Variants in ZNF566 observed in about 807,000 individuals in gnomAD.
ZNF566 encodes zinc finger protein 566.
Under a neutral mutation model 32.8 loss-of-function variants are expected in ZNF566, and 27 were observed. The observed-to-expected ratio is 0.82, with a 90% confidence interval of 0.61 to 1.14. ZNF566 has a LOEUF of 1.14. Ranked by LOEUF, ZNF566 falls within the 50% of genes most tolerant of loss-of-function variation. The pLI is 0.00. For missense variants in ZNF566, 402 were observed against 490.4 expected (o/e 0.82, Z 1.70); for synonymous variants, 154 against 159.5 (o/e 0.97, Z 0.26).
At chr19:36,486,358 T>C (rs897617748) in intron 1 of ZNF566, among the ~76,000 whole-genome samples, 1 of 152,196 alleles carries the variant, frequency 6.6e-6, no homozygotes, top group African/African-American at 2.4e-5. Flanking sequence ...AAATTCCTTA[T>C]ACTATGTTCA....
chr19:36,486,788 G>C (rs2034173551), intron 1 of ZNF566, among the ~76,000 whole-genome samples: 1 of 151,664 alleles, frequency 6.6e-6, no homozygotes, highest in Non-Finnish European at 1.5e-5. Context: ...ATACAAAAAG[G>C]TGCTGAACAT....
In ZNF566 at chr19:36,463,789, G is replaced by A. The variant is rs554712903; in HGVS notation, c.232+9122C>T. Among the ~76,000 whole-genome samples the A allele has an allele frequency of 7.9e-5, 12 of 151,230 alleles. No individual in the cohort carries two copies. In the East Asian group the frequency reaches 2.1e-3, roughly 27 times the overall value. Reference sequence around the variant, plus strand: ...CACCCAGGCTGGAGTGCAGTGGCACGATCTCGGTTCACTGCAACCTCCACC... The same window carrying A: ...CACCCAGGCTGGAGTGCAGTGGCACAATCTCGGTTCACTGCAACCTCCACC... On this transcript the variant is annotated intron_variant, in intron 4 of 4. Coordinates refer to ENST00000452939, the MANE Select transcript of ZNF566 (RefSeq NM_001145344.1).
At chr19:36,452,204 A>C (rs149410981) in intron 4 of ZNF566, among the ~76,000 whole-genome samples, 6 of 152,080 alleles carry the variant, frequency 3.9e-5, no homozygotes, top group Admixed American at 3.9e-4. Flanking sequence ...AATACAAATA[A>C]ATTTTTACAA....
At chr19:36,450,132 G>T in intron 4 of ZNF566, 131 bp from the exon 5 acceptor site, 2 of 715,192 alleles carry the variant, frequency 2.8e-6, no homozygotes, top group South Asian at 3.8e-5. Context: ...TAGAAGACAG[G>T]TTACATAATA....
rs1385336326 is a variant in ZNF566 at position 36,462,771 on chromosome 19, C to T, written c.232+10140G>A. On this transcript the variant is annotated intron_variant, in intron 4 of 4. Transcript: ENST00000452939. ...TCCCATTTCCTCCCATCCTGGCTAACGCGGTGAAACCCCGCCTCTACTAAA... is the reference window on the plus strand; with the variant it reads ...TCCCATTTCCTCCCATCCTGGCTAATGCGGTGAAACCCCGCCTCTACTAAA... Among the ~76,000 whole-genome samples the T allele has an allele frequency of 5.3e-5, 8 of 151,402 alleles. No individual in the cohort carries two copies. The East Asian group carries it at 5.8e-4, about 11-fold the overall frequency.
intron 4 of ZNF566, among the ~76,000 whole-genome samples, chr19:36,454,942 A>C (rs1383041424): frequency 6.6e-6 from 1 of 152,192 alleles, no homozygotes. Context: ...TTACAGGCCA[A>C]TATCCCTGAT....
intron 1 of ZNF566, among the ~76,000 whole-genome samples, chr19:36,487,460 G>A (rs1037476360): frequency 5.3e-5 from 8 of 152,056 alleles, no homozygotes; most frequent in African/African-American, 1.2e-4. Context: ...CAATGTAATC[G>A]ACTAATATAC....
At chr19:36,454,857 G>A (rs919621474) in intron 4 of ZNF566, among the ~76,000 whole-genome samples, 7 of 152,038 alleles carry the variant, frequency 4.6e-5, no homozygotes, top group African/African-American at 1.2e-4. Context: ...TGTTGAAGAC[G>A]GAACACTTCC....
At chr19:36,475,051 TG>T (rs1487123802) in intron 2 of ZNF566, among the ~76,000 whole-genome samples, 2 of 152,266 alleles carry the variant, frequency 1.3e-5, no homozygotes, top group East Asian at 3.9e-4. Context: ...CTGACATCAT[TG>T]CTTTTGTTTT....
At chr19:36,465,524 T>C (rs947692038) in intron 4 of ZNF566, among the ~76,000 whole-genome samples, 3 of 151,786 alleles carry the variant, frequency 2.0e-5, no homozygotes, top group East Asian at 3.9e-4. Flanking sequence ...AGCCCAGGAG[T>C]GCGGTGGCAC....
chr19:36,449,034 AC>A lies in ZNF566; in HGVS notation c.1199del (p.Cys400LeufsTer48). 6.2e-7 allele frequency: 1 copy of A among 1,607,446 alleles called. No homozygotes were observed. Among genetic ancestry groups the A allele is most frequent in the Non-Finnish European group, 8.5e-7 (1 of 1,178,232 alleles). On this transcript the variant is annotated frameshift_variant, in exon 5 of 5. Coordinates refer to ENST00000452939, the MANE Select transcript of ZNF566 (RefSeq NM_001145344.1). LOFTEE classifies it high-confidence loss of function. Reference protein sequence around the residue: ...TSEKPYEYRECGKNFNYDPQL... With the variant: ...TSEKPYEYREXGKNFNYDPQL... ...GTGGGTCATAATTAAAGTTCTTTCCACATTCCCTATATTCATAGGGTTTCTC... is the reference window on the plus strand; with the variant it reads ...GTGGGTCATAATTAAAGTTCTTTCCAATTCCCTATATTCATAGGGTTTCTC...
intron 1 of ZNF566, among the ~76,000 whole-genome samples, chr19:36,485,339 G>A (rs2034133993): frequency 6.6e-6 from 1 of 151,512 alleles, no homozygotes; most frequent in Non-Finnish European, 1.5e-5. Context: ...CTACTCAGGG[G>A]CTGAGGTGGA....
intron 4 of ZNF566, among the ~76,000 whole-genome samples, chr19:36,457,886 C>T (rs372066727): frequency 6.1e-5 from 9 of 146,430 alleles, no homozygotes; most frequent in Non-Finnish European, 9.2e-5. Context: ...AGTGAGACTC[C>T]GTCTCAAAAA....
chr19:36,479,811 T>C (rs2033980822), intron 1 of ZNF566, among the ~76,000 whole-genome samples: 1 of 145,790 alleles, frequency 6.9e-6, no homozygotes, highest in Non-Finnish European at 1.6e-5. Context: ...TGTTTGGGGT[T>C]TTGTTTCTTT....
At chr19:36,482,887 T>C (rs946884477) in intron 1 of ZNF566, among the ~76,000 whole-genome samples, 2 of 152,230 alleles carry the variant, frequency 1.3e-5, no homozygotes, top group Non-Finnish European at 2.9e-5. Context: ...TGAACAGCCT[T>C]GGAAGACAGA....
intron 2 of ZNF566, among the ~76,000 whole-genome samples, chr19:36,474,132 GA>G (rs2033829842): frequency 6.6e-6 from 1 of 152,122 alleles, no homozygotes; most frequent in South Asian, 2.1e-4. Context: ...CCACAAAAAC[GA>G]GGGAGTAAAC....
In ZNF566 at chr19:36,472,980, T is replaced by C. The variant is rs2145686473; in HGVS notation, c.163A>G (p.Ile55Val). The C allele has an allele frequency of 2.5e-6, 4 of 1,613,838 alleles. No homozygotes were observed. The East Asian group carries it at 8.9e-5, about 36-fold the overall frequency. ...MGHSISKPNV[I>V]SYLEQGKEPW... is the part of the protein sequence containing the mutation. ...TCCTTCCCTTGCTCCAAGTAGGAGA[T>C]CACATTTGGTTTAGAAATAGAATGC... Residue 55 changes from isoleucine (I) to valine (V), a missense_variant, in exon 4 of 5, where the codon ATC (isoleucine) becomes GTC (valine). Physicochemically the swap from Ile to Val is conservative, Grantham distance 29. Transcript: ENST00000452939.
At chr19:36,471,071 G>C (rs1042179971) in intron 4 of ZNF566, among the ~76,000 whole-genome samples, 1 of 151,350 alleles carries the variant, frequency 6.6e-6, no homozygotes, top group African/African-American at 2.4e-5. Context: ...AAAATTAGCC[G>C]GGCATGGTGG....
chr19:36,481,425 C>T lies in ZNF566; in HGVS notation c.-59-4809G>A, dbSNP rs112312442. ...GGCGGAGGTTGCAGTGAGCCGAGAT[C>T]GCGCCACTGCACTCCAGCCCCGGCA... On this transcript the variant is annotated intron_variant, in intron 1 of 4. Coordinates refer to ENST00000452939, the MANE Select transcript of ZNF566 (RefSeq NM_001145344.1). Among the ~76,000 whole-genome samples, 95 of 144,238 alleles carry T rather than the reference C, an allele frequency of 6.6e-4. 1 individual carries two copies. Among genetic ancestry groups the T allele is most frequent in the Admixed American group, 3.6e-4 (5 of 13,886 alleles). 94.6% of individuals were successfully genotyped at this position (144,238 alleles called of 152,430 possible). A position where few individuals can be genotyped will look rare whatever the true frequency, so the allele number is the denominator to read the frequency against.
Sources: gnomAD v4.1 joint callset for allele counts (sites outside exome capture counted in the v4.1 genomes callset) on GRCh38, gnomAD v4.1.1 for gene constraint, MANE v1.5 for transcripts, NCBI Gene and HGNC (gene_info 2026-07-23, HGNC 2026-07-21) for gene names.